The following CNTN5 variants were observed in gnomAD, a reference collection of about 807,000 sequenced individuals.
CNTN5 encodes contactin-5.
Under a neutral mutation model 129.1 loss-of-function variants are expected in CNTN5, and 77 were observed. The observed-to-expected ratio is 0.60, with a 90% confidence interval of 0.50 to 0.72. The LOEUF (loss-of-function observed/expected upper bound fraction) is 0.72, where lower values mean the gene tolerates loss of function less well. Ranked by LOEUF, CNTN5 falls within the 30% of genes least tolerant of loss-of-function variation. The pLI, the probability that CNTN5 is intolerant of heterozygous loss-of-function variation, is 0.00. For missense variants in CNTN5, 1,478 were observed against 1,328.8 expected (o/e 1.11, Z -1.75); for synonymous variants, 509 against 465.6 (o/e 1.09, Z -1.20).
At chr11:99,283,452 G>T (rs1863790859) in intron 1 of CNTN5, among the ~76,000 whole-genome samples, 2 of 151,890 alleles carry the variant, frequency 1.3e-5, no homozygotes. Context: ...TACGTATCTA[G>T]TTTTTGTTAA....
At chr11:100,285,415 T>G (rs780326917) in intron 18 of CNTN5, among the ~76,000 whole-genome samples, 21 of 152,156 alleles carry the variant, frequency 1.4e-4, no homozygotes, top group Non-Finnish European at 4.4e-5. Context: ...GAGAATGTTT[T>G]AGCACATGGC....
At chr11:99,236,290 G>A (rs1280681870) in intron 1 of CNTN5, among the ~76,000 whole-genome samples, 3 of 152,024 alleles carry the variant, frequency 2.0e-5, no homozygotes, top group African/African-American at 7.2e-5. Context: ...CTCCTTGAAT[G>A]TTCCCTCTCT....
Position 99,451,389 on chromosome 11 carries a change from T to C in CNTN5, c.-70-104756T>C, listed in dbSNP as rs118103593. Among the ~76,000 whole-genome samples, 6 of 152,220 alleles carry C rather than the reference T, an allele frequency of 3.9e-5. No individual in the cohort carries two copies. In the East Asian group the frequency reaches 5.8e-4, roughly 15 times the overall value. ...AGGGAGGGGCAAAAAAATATACAAA[T>C]AGTACATCAAAATATTACAAATGGA... On this transcript the variant is annotated intron_variant, in intron 2 of 24. Coordinates refer to ENST00000524871, the MANE Select transcript of CNTN5 (RefSeq NM_014361.4).
intron 21 of CNTN5, among the ~76,000 whole-genome samples, chr11:100,321,149 G>A (rs1474976370): frequency 6.6e-6 from 1 of 151,672 alleles, no homozygotes; most frequent in African/African-American, 2.4e-5. Flanking sequence ...TAGATACTAT[G>A]GACATTTTAA....
chr11:99,421,136 GT>G (rs60013434), intron 2 of CNTN5, among the ~76,000 whole-genome samples: 14,902 of 141,454 alleles, frequency 0.11, 1,114 homozygotes, highest in African/African-American at 0.23. Context: ...ATTCATTGAG[GT>G]TTTTTTTTTT....
intron 2 of CNTN5, among the ~76,000 whole-genome samples, chr11:99,507,607 T>G (rs1054329282): frequency 2.5e-4 from 38 of 152,084 alleles, no homozygotes; most frequent in Admixed American, 2.5e-3. Flanking sequence ...TAGAAAGAAA[T>G]GCAGTATAAT....
chr11:99,136,471 A>G (rs1209877538), intron 1 of CNTN5, among the ~76,000 whole-genome samples: 3 of 152,178 alleles, frequency 2.0e-5, no homozygotes, highest in African/African-American at 7.2e-5. Flanking sequence ...ACTAAAATTC[A>G]AAACTACAAA....
chr11:100,028,209 C>T (rs1941525716), intron 9 of CNTN5, among the ~76,000 whole-genome samples: 1 of 152,012 alleles, frequency 6.6e-6, no homozygotes, highest in Admixed American at 6.5e-5. Context: ...AAAAAAAAAT[C>T]TGCTGGATAA....
chr11:99,528,828 C>A (rs1947586777), intron 2 of CNTN5, among the ~76,000 whole-genome samples: 1 of 151,940 alleles, frequency 6.6e-6, no homozygotes, highest in African/African-American at 2.4e-5. Flanking sequence ...CTTTGGGAGG[C>A]CAAGGCGGGT....
chr11:99,537,650 A>G (rs866958089), intron 2 of CNTN5, among the ~76,000 whole-genome samples: 6 of 152,174 alleles, frequency 3.9e-5, no homozygotes, highest in African/African-American at 1.4e-4. Flanking sequence ...AAAAACTTCA[A>G]TTAATGGGTT....
intron 3 of CNTN5, among the ~76,000 whole-genome samples, chr11:99,753,322 C>G (rs1356741063): frequency 1.3e-5 from 2 of 151,134 alleles, no homozygotes; most frequent in Non-Finnish European, 3.0e-5. Flanking sequence ...TGGGGTTTCA[C>G]CGTGTTAGCC....
chr11:99,650,419 C>T (rs1345102385), intron 3 of CNTN5, among the ~76,000 whole-genome samples: 1 of 151,890 alleles, frequency 6.6e-6, no homozygotes, highest in Non-Finnish European at 1.5e-5. Flanking sequence ...GCATCAGTCT[C>T]TATTATACTA....
intron 6 of CNTN5, among the ~76,000 whole-genome samples, chr11:99,874,512 G>A (rs1354980861): frequency 6.6e-6 from 1 of 152,092 alleles, no homozygotes; most frequent in African/African-American, 2.4e-5. Flanking sequence ...TTCTTTTTGT[G>A]TTGTTAGTAG....
At chr11:100,058,375 G>C (rs767712243) in intron 9 of CNTN5, among the ~76,000 whole-genome samples, 1 of 151,532 alleles carries the variant, frequency 6.6e-6, no homozygotes, top group Non-Finnish European at 1.5e-5. Context: ...TTACCAAGCA[G>C]TCACTCACCA....
At chr11:100,257,736 A>G (rs746204132) in intron 17 of CNTN5, among the ~76,000 whole-genome samples, 41 of 152,200 alleles carry the variant, frequency 2.7e-4, no homozygotes, top group Non-Finnish European at 5.0e-4. Context: ...AGAAAGGAAT[A>G]GCATCAACAT....
intron 2 of CNTN5, among the ~76,000 whole-genome samples, chr11:99,429,920 C>A (rs550468797): frequency 6.7e-6 from 1 of 149,156 alleles, no homozygotes; most frequent in Middle Eastern, 3.5e-3. Context: ...CTAGCTGTCA[C>A]ACAGACCATG....
In CNTN5 at chr11:100,009,986, A is replaced by G. The variant is rs112755460; in HGVS notation, c.980+7850A>G. Among the ~76,000 whole-genome samples the G allele has an allele frequency of 3.0e-3, 456 of 152,254 alleles. 1 individual carries two copies. Among genetic ancestry groups the G allele is most frequent in the African/African-American group, 0.01 (427 of 41,552 alleles). On this transcript the variant is annotated intron_variant, in intron 9 of 24. Transcript: ENST00000524871. ...TGAGTGTTGACTTTTCTTGCTCAGCATTCAATCTAGGGACCTTAATGGAAA... is the reference window on the plus strand; with the variant it reads ...TGAGTGTTGACTTTTCTTGCTCAGCGTTCAATCTAGGGACCTTAATGGAAA...
intron 1 of CNTN5, among the ~76,000 whole-genome samples, chr11:99,027,014 A>G (rs1024521329): frequency 6.6e-6 from 1 of 151,636 alleles, no homozygotes; most frequent in African/African-American, 2.4e-5. Context: ...CTCTTAACCA[A>G]CAACTACAGA....
At chr11:100,182,984 A>G (rs560977501) in intron 13 of CNTN5, among the ~76,000 whole-genome samples, 2 of 152,286 alleles carry the variant, frequency 1.3e-5, no homozygotes, top group East Asian at 1.9e-4. Context: ...AGCTCACCAA[A>G]GACAATATGC....
Sources: allele counts gnomAD v4.1 joint callset (sites outside exome capture counted in the v4.1 genomes callset), GRCh38; gene constraint gnomAD v4.1.1; transcripts MANE v1.5; gene names NCBI Gene and HGNC (gene_info 2026-07-23, HGNC 2026-07-21).